PRKCE: variants seen among roughly 807,000 people sequenced by gnomAD.
PRKCE encodes the protein protein kinase C epsilon.
A neutral mutation model predicts 85.4 loss-of-function variants in PRKCE; 16 were observed. That is an observed-to-expected ratio of 0.19 (90% CI 0.13 to 0.28). The LOEUF (loss-of-function observed/expected upper bound fraction) is 0.28, where lower values mean the gene tolerates loss of function less well. PRKCE is among the 10% of genes least tolerant of loss of function. The pLI, the probability that PRKCE is intolerant of heterozygous loss-of-function variation, is 1.00. For synonymous variants in PRKCE, 388 were observed against 371.5 expected (o/e 1.04, Z -0.51); for missense variants, 573 against 975.2 (o/e 0.59, Z 5.49).
At chr2:46,108,426 G>A (rs1406648004) in intron 11 of PRKCE, among the ~76,000 whole-genome samples, 2 of 152,196 alleles carry the variant, frequency 1.3e-5, no homozygotes, top group African/African-American at 2.4e-5. Flanking sequence ...AATATAGCAT[G>A]TCTTCACTTG....
chr2:45,780,066 A>AAGAAAAG (rs57738387), intron 1 of PRKCE, among the ~76,000 whole-genome samples: 119,581 of 151,374 alleles, frequency 0.79, 47,511 homozygotes, highest in East Asian at 0.91. Context: ...TCGATCTCAA[A>AAGAAAAG]GACACTTTTA....
intron 6 of PRKCE, among the ~76,000 whole-genome samples, chr2:45,987,210 G>A (rs568646730): frequency 6.6e-6 from 1 of 152,268 alleles, no homozygotes; most frequent in South Asian, 2.1e-4. Context: ...TTCAGCTCTT[G>A]TTGGGCAGGA....
chr2:46,064,297 AAAAAAG>A (rs1553336284), intron 10 of PRKCE, among the ~76,000 whole-genome samples: 1 of 140,858 alleles, frequency 7.1e-6, no homozygotes, highest in Non-Finnish European at 1.5e-5. Flanking sequence ...AAAAAAAAAA[AAAAAAG>A]AAAAAGAAAA....
chr2:45,686,287 G>C (rs147278545), intron 1 of PRKCE: 1 of 152,062 alleles, frequency 6.6e-6, no homozygotes, highest in African/African-American at 2.4e-5. Flanking sequence ...CTCTTCTTCC[G>C]TAAGGGTTTG....
chr2:45,745,650 T>C (rs1330989486), intron 1 of PRKCE, among the ~76,000 whole-genome samples: 2 of 152,176 alleles, frequency 1.3e-5, no homozygotes, highest in African/African-American at 4.8e-5. Context: ...CCCAGTTAAT[T>C]TGGCATCTGG....
chr2:45,930,814 G>A (rs1253267016), intron 2 of PRKCE, among the ~76,000 whole-genome samples: 2 of 152,096 alleles, frequency 1.3e-5, no homozygotes, highest in Non-Finnish European at 2.9e-5. Flanking sequence ...AGGAAGTTTC[G>A]AGGAGATAAG....
rs1305349257 is a variant in PRKCE, at chr2:46,068,607, AAGATCAATCATC to A, written c.1438-17596_1438-17585del. ...GGTAGAAGGTTGTCACATACAGAATAAGATCAATCATCAGATGTGTAGTTTAAGGATTGCCGT... is the reference window on the plus strand; with the variant it reads ...GGTAGAAGGTTGTCACATACAGAATAAGATGTGTAGTTTAAGGATTGCCGT... On this transcript the variant is annotated intron_variant, in intron 10 of 14. Coordinates refer to ENST00000306156, the MANE Select transcript of PRKCE (RefSeq NM_005400.3). The surrounding 1 kb of genome is among the most constrained non-coding windows in gnomAD (Gnocchi z 4.3). Among the ~76,000 whole-genome samples, 5 of 152,332 alleles carry A rather than the reference AAGATCAATCATC, an allele frequency of 3.3e-5. No individual in the cohort carries two copies. The East Asian group carries it at 9.6e-4, about 29-fold the overall frequency.
Position 46,186,107 on chromosome 2 carries a change from G to A in PRKCE, c.*1226G>A, listed in dbSNP as rs1269789028. 1.3e-5 allele frequency: 2 copies of A among 152,622 alleles called. No homozygotes were observed. The highest frequency in any genetic ancestry group is 2.9e-5 in the Non-Finnish European group (2 of 68,030). 9.5% of individuals were successfully genotyped at this position (152,622 alleles called of 1,614,324 possible). ...ACTCAGTTTTGTTTCTGTGTGACAT[G>A]CAATGGCAACTCATGTGGACACTAT... On this transcript the variant is annotated 3_prime_UTR_variant, in exon 15 of 15. Coordinates refer to ENST00000306156, the MANE Select transcript of PRKCE (RefSeq NM_005400.3).
chr2:45,862,183 TACACACACACACACACACACAC>T (rs6146747), intron 2 of PRKCE, among the ~76,000 whole-genome samples: 1 of 143,924 alleles, frequency 6.9e-6, no homozygotes, highest in South Asian at 2.3e-4. Context: ...TCTTCTTGTA[TACACACACACACACACACACAC>T]ACACACACAC....
At chr2:45,745,531 C>T (rs1001498984) in intron 1 of PRKCE, among the ~76,000 whole-genome samples, 24 of 152,192 alleles carry the variant, frequency 1.6e-4, no homozygotes, top group African/African-American at 5.1e-4. Context: ...CTTGTTGAAA[C>T]GAAAGCATGT....
intron 1 of PRKCE, among the ~76,000 whole-genome samples, chr2:45,744,611 C>T (rs1264181997): frequency 3.3e-5 from 5 of 149,706 alleles, no homozygotes; most frequent in Admixed American, 2.7e-4. Context: ...TTACTTCCTT[C>T]CTTTCTTTCT....
chr2:45,803,802 G>A (rs771442633), intron 1 of PRKCE, among the ~76,000 whole-genome samples: 2 of 152,174 alleles, frequency 1.3e-5, no homozygotes, highest in Non-Finnish European at 2.9e-5. Flanking sequence ...CCAAAATATT[G>A]TATACACTGT....
intron 1 of PRKCE, among the ~76,000 whole-genome samples, chr2:45,727,617 T>C (rs925147972): frequency 4.6e-5 from 7 of 152,216 alleles, no homozygotes; most frequent in African/African-American, 1.7e-4. Context: ...TTGGTTGGAC[T>C]CTGCTTCTTG....
At chr2:46,024,306 ATT>A (rs34612971) in intron 10 of PRKCE, among the ~76,000 whole-genome samples, 24 of 139,244 alleles carry the variant, frequency 1.7e-4, no homozygotes, top group Non-Finnish European at 1.6e-4. Flanking sequence ...TTATGAGGAC[ATT>A]TTTTTTTTTT....
chr2:45,947,648 A>C (rs1573985757), intron 2 of PRKCE, among the ~76,000 whole-genome samples: 1 of 152,240 alleles, frequency 6.6e-6, no homozygotes, highest in Admixed American at 6.5e-5. Context: ...GTGTGGTTAC[A>C]GTCACAGTGT....
intron 1 of PRKCE, among the ~76,000 whole-genome samples, chr2:45,743,369 G>GAATGTAAAC (rs1682744057): frequency 6.6e-6 from 1 of 152,068 alleles, no homozygotes; most frequent in African/African-American, 2.4e-5. Flanking sequence ...TGTACACCTT[G>GAATGTAAAC]AATGTAAACA....
chr2:46,074,795 C>T (rs189178522), intron 10 of PRKCE, among the ~76,000 whole-genome samples: 1 of 152,164 alleles, frequency 6.6e-6, no homozygotes, highest in Non-Finnish European at 1.5e-5. Context: ...TGAGCCTGGA[C>T]AGATGGGGAT....
chr2:45,705,231 G>A (rs545488727), intron 1 of PRKCE, among the ~76,000 whole-genome samples: 1 of 152,180 alleles, frequency 6.6e-6, no homozygotes, highest in African/African-American at 2.4e-5. Context: ...AGCGCTAGGG[G>A]CCTGAACTAT....
chr2:46,176,457 G>A (rs548881208), intron 14 of PRKCE, among the ~76,000 whole-genome samples: 11 of 152,152 alleles, frequency 7.2e-5, no homozygotes, highest in South Asian at 4.1e-4. Flanking sequence ...AAGGCAAACC[G>A]TCTCCCAGTA....
Sources: gnomAD v4.1 joint callset for allele counts (sites outside exome capture counted in the v4.1 genomes callset) on GRCh38, gnomAD v4.1.1 for gene constraint, Gnocchi (gnomAD v3.1) non-coding constraint, MANE v1.5 for transcripts, NCBI Gene and HGNC (gene_info 2026-07-23, HGNC 2026-07-21) for gene names.